Variants in EML1 observed in about 807,000 individuals in gnomAD.
EML1 encodes echinoderm microtubule-associated protein-like 1.
EML1 carries 27 observed loss-of-function variants against 110.4 expected under a neutral mutation model. The observed-to-expected ratio is 0.24, with a 90% confidence interval of 0.18 to 0.34. The LOEUF is 0.34. Ranked by LOEUF, EML1 falls within the 10% of genes least tolerant of loss-of-function variation. The pLI is 1.00. For synonymous variants in EML1, 344 were observed against 385.8 expected, an observed-to-expected ratio of 0.89 and a Z score of 1.27; for missense variants, 741 against 1,030.9, an observed-to-expected ratio of 0.72 and a Z score of 3.85.
chr14:99,823,076 A>G (rs889566947), intron 1 of EML1, among the ~76,000 whole-genome samples: 2 of 152,014 alleles, frequency 1.3e-5, no homozygotes, highest in Non-Finnish European at 2.9e-5. Context: ...CGGGAAGAAG[A>G]CCCAGCCCCC....
At chr14:99,738,975 G>A (rs891905822) in intron 1 of EML1, among the ~76,000 whole-genome samples, 1 of 152,174 alleles carries the variant, frequency 6.6e-6, no homozygotes. Flanking sequence ...GTGGGTGACA[G>A]CACCCTGCAG....
chr14:99,908,565 T>C (rs910853690), intron 10 of EML1, among the ~76,000 whole-genome samples: 8 of 152,284 alleles, frequency 5.3e-5, no homozygotes, highest in Admixed American at 3.9e-4. Flanking sequence ...GCTACGTTGC[T>C]AGGTTAGAAG....
intron 17 of EML1, among the ~76,000 whole-genome samples, chr14:99,931,250 C>T (rs1352272425): frequency 6.6e-6 from 1 of 152,170 alleles, no homozygotes; most frequent in African/African-American, 2.4e-5. Flanking sequence ...CTGCCACCCC[C>T]TCCCTCCCCA....
chr14:99,857,989 A>G (rs2058933400), intron 2 of EML1, among the ~76,000 whole-genome samples: 2 of 152,184 alleles, frequency 1.3e-5, no homozygotes, highest in East Asian at 1.9e-4. Context: ...CCCCATCTAC[A>G]TGTACCTTTT....
At chr14:99,816,763 G>A (rs1595333279) in intron 1 of EML1, among the ~76,000 whole-genome samples, 1 of 152,250 alleles carries the variant, frequency 6.6e-6, no homozygotes, top group Non-Finnish European at 1.5e-5. Flanking sequence ...CCTCAGAGAA[G>A]GGAGGAGTCC....
intron 1 of EML1, 51 bp downstream of exon 1, chr14:99,793,594 G>GCGGCGA (rs1191664428): frequency 4.0e-5 from 40 of 991,868 alleles, no homozygotes; most frequent in Admixed American, 1.2e-4. Context: ...GTGGCGGGCG[G>GCGGCGA]CGGCGACGGC....
At chr14:99,878,187 G>T (rs1029417402) in intron 3 of EML1, among the ~76,000 whole-genome samples, 1 of 151,472 alleles carries the variant, frequency 6.6e-6, no homozygotes, top group Non-Finnish European at 1.5e-5. Context: ...GCCTACTCAA[G>T]GGCAGGATTG....
At chr14:99,824,661 A>G (rs1399178356) in intron 1 of EML1, among the ~76,000 whole-genome samples, 1 of 152,092 alleles carries the variant, frequency 6.6e-6, no homozygotes, top group South Asian at 2.1e-4. Context: ...GACATATTGC[A>G]TAATGGTGAG....
chr14:99,878,752 G>A (rs928003353), intron 4 of EML1, 133 bp downstream of exon 4: 3 of 1,293,996 alleles, frequency 2.3e-6, no homozygotes, highest in African/African-American at 1.5e-5. Context: ...CTTCTCCTCA[G>A]GTATTTATAG....
In EML1 at chr14:99,913,953, G is replaced by A. The variant is rs113953439; in HGVS notation, c.1495-226G>A. ...GATCCACCTGCTTCAGCCTCCCAAC[G>A]TGCTGGGATTACAGGCATGAGCCAC... On this transcript the variant is annotated intron_variant, in intron 13 of 21. Transcript: ENST00000262233. 0.25 allele frequency among the ~76,000 whole-genome samples: 37,593 copies of A among 151,962 alleles called. 5,178 individuals carry two copies. The highest frequency in any genetic ancestry group is 0.43 in the East Asian group (2,221 of 5,174).
chr14:99,767,554 G>A (rs559694411), intron 1 of EML1, among the ~76,000 whole-genome samples: 10 of 152,064 alleles, frequency 6.6e-5, no homozygotes, highest in South Asian at 6.2e-4. Flanking sequence ...AGGTTGCAGC[G>A]AGCTGAGATC....
intron 2 of EML1, among the ~76,000 whole-genome samples, chr14:99,856,864 C>G (rs2058911315): frequency 6.6e-6 from 1 of 152,146 alleles, no homozygotes; most frequent in Non-Finnish European, 1.5e-5. Context: ...TCATTATGAC[C>G]CTCTCCCACT....
rs1566951880 is a variant in EML1 at position 99,941,295 on chromosome 14, A to G, written c.*1183A>G. The stretch of plus-strand genomic sequence containing the variant: ...AATAGAAGAGTAATAAACAGACTTT[A>G]AAGCAAATATTAAGATTTTTACTCA... On this transcript the variant is annotated 3_prime_UTR_variant, in exon 22 of 22. Transcript: ENST00000262233. 1.3e-5 allele frequency: 2 copies of G among 152,260 alleles called. No homozygotes were observed. Among genetic ancestry groups the G allele is most frequent in the Admixed American group, 6.5e-5 (1 of 15,284 alleles). The allele number at this position is 152,260 out of a possible 1,614,324, so 9.4% of individuals were successfully genotyped here.
At chr14:99,862,926 A>G (rs148601187) in intron 2 of EML1, among the ~76,000 whole-genome samples, 24 of 152,278 alleles carry the variant, frequency 1.6e-4, no homozygotes, top group Non-Finnish European at 2.9e-4. Context: ...TGTTTATACT[A>G]ACCTGTGTGT....
chr14:99,768,318 G>A (rs890918685), upstream of EML1, among the ~76,000 whole-genome samples: 6 of 152,342 alleles, frequency 3.9e-5, no homozygotes, highest in South Asian at 2.1e-4. Context: ...TCTTCATGGT[G>A]GAGTGGTGAG....
At chr14:99,841,345 T>C (rs1236433294) in intron 1 of EML1, among the ~76,000 whole-genome samples, 1 of 152,234 alleles carries the variant, frequency 6.6e-6, no homozygotes, top group Non-Finnish European at 1.5e-5. Context: ...CAATGGATTC[T>C]AGTAAGGCTC....
intron 4 of EML1, among the ~76,000 whole-genome samples, chr14:99,884,342 G>C (rs1244989929): frequency 6.6e-6 from 1 of 152,188 alleles, no homozygotes; most frequent in Non-Finnish European, 1.5e-5. Flanking sequence ...TCTGAAAATT[G>C]TTCTCACCTT....
intron 14 of EML1, 64 bp downstream of exon 14, chr14:99,914,368 A>T (rs2059998332): frequency 3.8e-6 from 6 of 1,577,440 alleles, no homozygotes; most frequent in Non-Finnish European, 5.2e-6. Context: ...ACCCTAATCA[A>T]GCATTACAAT....
At chr14:99,930,707 A>G (rs537431010) in intron 17 of EML1, among the ~76,000 whole-genome samples, 15 of 152,298 alleles carry the variant, frequency 9.8e-5, no homozygotes, top group Middle Eastern at 3.4e-3. Flanking sequence ...GCACTTTATG[A>G]TTGGACAGGA....
Sources: gnomAD v4.1 joint callset for allele counts (sites outside exome capture counted in the v4.1 genomes callset) on GRCh38, gnomAD v4.1.1 for gene constraint, MANE v1.5 for transcripts, NCBI Gene and HGNC (gene_info 2026-07-23, HGNC 2026-07-21) for gene names.